ATG7: variants seen among roughly 807,000 people sequenced by gnomAD.
The protein encoded by ATG7 is autophagy related 7.
Under a neutral mutation model 82.4 loss-of-function variants are expected in ATG7, and 70 were observed. That is an observed-to-expected ratio of 0.85 (90% CI 0.70 to 1.04). The LOEUF (loss-of-function observed/expected upper bound fraction) is 1.04, where lower values mean the gene tolerates loss of function less well. ATG7 is among the 50% of genes least tolerant of loss of function. The pLI is 0.00. For synonymous variants in ATG7, 287 were observed against 313.0 expected (o/e 0.92, Z 0.88); for missense variants, 792 against 864.3 (o/e 0.92, Z 1.05).
intron 20 of ATG7, among the ~76,000 whole-genome samples, chr3:11,444,750 A>C (rs1476628591): frequency 6.6e-6 from 1 of 152,248 alleles, no homozygotes; most frequent in Non-Finnish European, 1.5e-5. Context: ...GCTTCTGCAC[A>C]GCAAAAGAAA....
At chr3:11,498,646 G>T (rs995479610) in intron 20 of ATG7, among the ~76,000 whole-genome samples, 5 of 152,204 alleles carry the variant, frequency 3.3e-5, no homozygotes, top group Non-Finnish European at 7.3e-5. Flanking sequence ...GGCCAGACTG[G>T]TGAGGCCAGG....
intron 20 of ATG7, among the ~76,000 whole-genome samples, chr3:11,428,230 C>T (rs2082542870): frequency 6.6e-6 from 1 of 152,214 alleles, no homozygotes; most frequent in Admixed American, 6.5e-5. Context: ...CATATCCTCA[C>T]CATTCAGGGA....
chr3:11,296,470 C>G lies in ATG7; in HGVS notation c.-10-2216C>G, dbSNP rs572050865. Among the ~76,000 whole-genome samples the G allele has an allele frequency of 1.1e-4, 17 of 152,290 alleles. No individual in the cohort carries two copies. In the South Asian group the frequency reaches 3.3e-3, roughly 30 times the overall value. ...TCCCCTCCTTTTCACTTTTACTCCTCTGCTCTAATCCAGGTCTTCATAAAT... is the reference window on the plus strand; with the variant it reads ...TCCCCTCCTTTTCACTTTTACTCCTGTGCTCTAATCCAGGTCTTCATAAAT... On this transcript the variant is annotated intron_variant, in intron 3 of 20. Coordinates refer to ENST00000693202, the MANE Select transcript of ATG7 (RefSeq NM_001349232.2).
At chr3:11,296,208 G>T (rs2152685693) in intron 3 of ATG7, among the ~76,000 whole-genome samples, 1 of 152,226 alleles carries the variant, frequency 6.6e-6, no homozygotes, top group Admixed American at 6.5e-5. Flanking sequence ...CAGTATCCAT[G>T]TCCAGTTTTC....
chr3:11,432,846 G>C (rs2083028058), intron 20 of ATG7, among the ~76,000 whole-genome samples: 1 of 152,042 alleles, frequency 6.6e-6, no homozygotes, highest in Non-Finnish European at 1.5e-5. Flanking sequence ...ACTGAGAATG[G>C]GTTTGGATAC....
intron 20 of ATG7, among the ~76,000 whole-genome samples, chr3:11,451,379 T>G (rs887267971): frequency 5.9e-5 from 9 of 152,124 alleles, no homozygotes; most frequent in African/African-American, 2.2e-4. Context: ...GCCCAGCTAA[T>G]TTTTGTATTT....
intron 20 of ATG7, among the ~76,000 whole-genome samples, chr3:11,432,954 C>T (rs2083041445): frequency 6.6e-6 from 1 of 152,000 alleles, no homozygotes; most frequent in African/African-American, 2.4e-5. Context: ...CACAGGGTGT[C>T]CAAGTCATGG....
At position 11,287,546 on chromosome 3, in the gene ATG7, A is replaced by C. The variant is rs552629538; in HGVS notation, c.-11+5108A>C. Among the ~76,000 whole-genome samples the C allele has an allele frequency of 3.3e-4, 51 of 152,354 alleles. 2 individuals carry two copies. In the Middle Eastern group the frequency reaches 0.02, roughly 61 times the overall value. The stretch of plus-strand genomic sequence containing the variant: ...CAGCAGCGGCGGTCTGGGAGAAAGC[A>C]TAAGGAAACCATCAGAGGTGTAGTC... On this transcript the variant is annotated intron_variant, in intron 3 of 20. Coordinates refer to ENST00000693202, the MANE Select transcript of ATG7 (RefSeq NM_001349232.2).
At chr3:11,404,823 C>T (rs887251581) in intron 19 of ATG7, among the ~76,000 whole-genome samples, 5 of 151,954 alleles carry the variant, frequency 3.3e-5, no homozygotes, top group East Asian at 1.9e-4. Context: ...CATCAGATCT[C>T]GTGAGACTTA....
rs974975866 is a variant in ATG7 at position 11,554,900 on chromosome 3, C to T, written c.*57C>T. 1.9e-5 allele frequency: 31 copies of T among 1,592,560 alleles called. No individual in the cohort carries two copies. Among genetic ancestry groups the T allele is most frequent in the African/African-American group, 6.7e-5 (5 of 74,666 alleles). ...GGCCGCCTGCTGAGGAGCTCTCCAT[C>T]GCCAGAGCAGGACTGCTGACCCCAG... On this transcript the variant is annotated 3_prime_UTR_variant, in exon 21 of 21. Coordinates refer to ENST00000693202, the MANE Select transcript of ATG7 (RefSeq NM_001349232.2).
intron 19 of ATG7, among the ~76,000 whole-genome samples, chr3:11,408,535 G>T (rs1352900430): frequency 6.6e-6 from 1 of 152,188 alleles, no homozygotes. Context: ...TGTTGATAAA[G>T]ACATACCCGA....
intron 20 of ATG7, among the ~76,000 whole-genome samples, chr3:11,460,778 T>A (rs1189592096): frequency 2.0e-5 from 3 of 152,166 alleles, no homozygotes; most frequent in African/African-American, 7.2e-5. Flanking sequence ...TCTTATAAAG[T>A]ACTGAGGGAA....
At chr3:11,506,729 G>A (rs1575107520) in intron 20 of ATG7, among the ~76,000 whole-genome samples, 1 of 152,068 alleles carries the variant, frequency 6.6e-6, no homozygotes, top group South Asian at 2.1e-4. Context: ...GTGGCAGAGC[G>A]AGACTCTGTC....
At chr3:11,511,896 G>T (rs1297747286) in intron 20 of ATG7, among the ~76,000 whole-genome samples, 1 of 152,166 alleles carries the variant, frequency 6.6e-6, no homozygotes, top group Non-Finnish European at 1.5e-5. Flanking sequence ...CCGAATGCGG[G>T]GCCCACCAAG....
chr3:11,272,665 G>T (rs1470086804), intron 1 of ATG7: 1 of 152,292 alleles, frequency 6.6e-6, no homozygotes, highest in East Asian at 1.9e-4. Flanking sequence ...CTTCTGACTT[G>T]GAAGCTCGTG....
intron 20 of ATG7, among the ~76,000 whole-genome samples, chr3:11,445,377 A>G (rs2152975851): frequency 6.6e-6 from 1 of 152,322 alleles, no homozygotes; most frequent in South Asian, 2.1e-4. Flanking sequence ...CAGCCATAAA[A>G]AAGAAGATCA....
Position 11,294,036 on chromosome 3 carries a change from A to T in ATG7, c.-10-4650A>T, listed in dbSNP as rs1397340385. ...CCGTCTCAAAAAAAAAAAAAAAAAGAAAAAGAAAGAAAGAAAATGAATGAC... is the reference window on the plus strand; with the variant it reads ...CCGTCTCAAAAAAAAAAAAAAAAAGTAAAAGAAAGAAAGAAAATGAATGAC... On this transcript the variant is annotated intron_variant, in intron 3 of 20. Coordinates refer to ENST00000693202, the MANE Select transcript of ATG7 (RefSeq NM_001349232.2). Among the ~76,000 whole-genome samples the T allele has an allele frequency of 2.7e-5, 4 of 149,378 alleles. No homozygotes were observed. The East Asian group carries it at 7.8e-4, about 29-fold the overall frequency.
intron 19 of ATG7, among the ~76,000 whole-genome samples, chr3:11,391,096 G>A (rs1575992061): frequency 6.6e-6 from 1 of 152,052 alleles, no homozygotes; most frequent in South Asian, 2.1e-4. Flanking sequence ...ATCAGGTGCC[G>A]TTCCCATTTC....
At chr3:11,392,479 A>C (rs186479648) in intron 19 of ATG7, among the ~76,000 whole-genome samples, 41 of 119,816 alleles carry the variant, frequency 3.4e-4, no homozygotes, top group Admixed American at 1.2e-3. Context: ...AACAAAAAAA[A>C]CAAAACAAAA....
Sources: allele counts gnomAD v4.1 joint callset (sites outside exome capture counted in the v4.1 genomes callset), GRCh38; gene constraint gnomAD v4.1.1; transcripts MANE v1.5; gene names NCBI Gene and HGNC (gene_info 2026-07-23, HGNC 2026-07-21).